CEP44: variants seen among roughly 807,000 people sequenced by gnomAD.
The protein encoded by CEP44 is centrosomal protein of 44 kDa.
A neutral mutation model predicts 46.7 loss-of-function variants in CEP44; 45 were observed. The ratio of observed to expected loss-of-function variants is 0.96; its 90% CI spans 0.76 to 1.24. The LOEUF is 1.24. CEP44 is among the 50% of genes most tolerant of loss of function. CEP44 has a pLI of 0.00. For missense variants in CEP44, 475 were observed against 459.7 expected (o/e 1.03, Z -0.30); for synonymous variants, 142 against 146.0 (o/e 0.97, Z 0.20).
At chr4:174,294,215 G>A (rs560888493) in intron 1 of CEP44, among the ~76,000 whole-genome samples, 4,472 of 150,832 alleles carry the variant, frequency 0.03, 201 homozygotes, top group African/African-American at 0.1. Flanking sequence ...TGTGTCCCTG[G>A]GTACTTGAGA....
At chr4:174,298,278 C>T (rs1739302835) in intron 2 of CEP44, among the ~76,000 whole-genome samples, 1 of 149,092 alleles carries the variant, frequency 6.7e-6, no homozygotes, top group African/African-American at 2.5e-5. Flanking sequence ...CGGGTTCACG[C>T]CATTCTCCTG....
chr4:174,303,948 A>C, intron 5 of CEP44, 99 bp downstream of exon 5: 1 of 816,470 alleles, frequency 1.2e-6, no homozygotes, highest in African/African-American at 1.7e-5. Flanking sequence ...AAATTATTTC[A>C]TAGTGTAATT....
At chr4:174,324,555 T>G (rs1443892826), downstream of CEP44, among the ~76,000 whole-genome samples, 2 of 152,174 alleles carry the variant, frequency 1.3e-5, no homozygotes, top group East Asian at 3.8e-4. Flanking sequence ...CAACACTTGA[T>G]TTTGTCAGTC....
rs1742661312 is a variant in CEP44, at chr4:174,326,248, G to A, written c.1087-5234G>A. Among the ~76,000 whole-genome samples, 1 of 151,436 alleles carries A rather than the reference G, an allele frequency of 6.6e-6. No individual in the cohort carries two copies. The highest frequency in any genetic ancestry group is 2.4e-5 in the African/African-American group (1 of 41,262). ...TGTGTGTGTGTGTGTCTGTGTGTGT[G>A]TCTGTGTGTTTGCTCCAAGATTTGT... On this transcript the variant is annotated intron_variant, in intron 8 of 8. Transcript: ENST00000426172. This position sits in a 1 kb window ranked among gnomAD's most constrained non-coding sequence, Gnocchi z 4.8.
intron 1 of CEP44, among the ~76,000 whole-genome samples, chr4:174,292,857 T>C (rs976359352): frequency 2.6e-5 from 4 of 152,246 alleles, no homozygotes; most frequent in Non-Finnish European, 5.9e-5. Context: ...TTGAATTCTT[T>C]GTCAAGCAGA....
chr4:174,320,684 C>CTGTGTGTGTGTG (rs34832692), downstream of CEP44, among the ~76,000 whole-genome samples: 2 of 147,412 alleles, frequency 1.4e-5, no homozygotes, highest in Non-Finnish European at 1.5e-5. Context: ...TGAGTGTGCT[C>CTGTGTGTGTGTG]TGTGTGTGTG....
upstream of CEP44, chr4:174,283,729 G>A (rs1252414800): frequency 7.5e-6 from 3 of 397,438 alleles, no homozygotes; most frequent in Non-Finnish European, 1.3e-5. This position sits in a 1 kb window ranked among gnomAD's most constrained non-coding sequence, Gnocchi z 6.7. Flanking sequence ...TGTTGTTTAC[G>A]ATTCGCTATA....
intron 11 of CEP44, among the ~76,000 whole-genome samples, 176 bp from the exon 12 acceptor site, chr4:174,317,159 C>T (rs13145292): frequency 0.7 from 106,505 of 151,730 alleles, 37,596 homozygotes; most frequent in East Asian, 0.74. Flanking sequence ...GACTCATAAT[C>T]GACTCCTCTT....
In CEP44 at chr4:174,310,917, T is replaced by C. The variant is rs113931014; in HGVS notation, c.961+59T>C. 1 of 779,110 alleles carries C rather than the reference T, an allele frequency of 1.3e-6. No individual in the cohort carries two copies. Among genetic ancestry groups the C allele is most frequent in the African/African-American group, 1.8e-5 (1 of 56,658 alleles). The allele number at this position is 779,110 out of a possible 1,614,324, so 48.3% of individuals were successfully genotyped here. ...TGAGTTTTCAGAAAAATGATTGTTA[T>C]AGTAATTTTAATATTCTTAAGCTTT... On this transcript the variant is annotated intron_variant, in intron 9 of 11. Coordinates refer to ENST00000503780, the MANE Select transcript of CEP44 (RefSeq NM_001040157.3). The surrounding 1 kb of genome is among the most constrained non-coding windows in gnomAD (Gnocchi z 4.2).
chr4:174,329,165 A>C lies in CEP44; in HGVS notation c.1087-2317A>C, dbSNP rs79777606. 7.1e-3 allele frequency among the ~76,000 whole-genome samples: 1,087 copies of C among 152,122 alleles called. 6 individuals carry two copies. Among genetic ancestry groups the C allele is most frequent in the Non-Finnish European group, 0.011 (720 of 67,990 alleles). On this transcript the variant is annotated intron_variant, in intron 8 of 8. Coordinates refer to the CEP44 transcript ENST00000426172. This position sits in a 1 kb window ranked among gnomAD's most constrained non-coding sequence, Gnocchi z 4.0. ...GGGATCTCACTATGCTGCCCAGGCT[A>C]GTCTCAGACTCCTGGCCTCAAGCAA... is the stretch of plus-strand genomic sequence containing the variant.
Position 174,325,960 on chromosome 4 carries a change from G to T in CEP44, c.1087-5522G>T, listed in dbSNP as rs1012873387. Reference sequence around the variant, plus strand: ...TTTTACTTTTAATGTATCTGAGTCTGTGCATTTAAAGTGGGTTTCCTGAAG... The same window carrying T: ...TTTTACTTTTAATGTATCTGAGTCTTTGCATTTAAAGTGGGTTTCCTGAAG... On this transcript the variant is annotated intron_variant, in intron 8 of 8. Transcript: ENST00000426172. The surrounding 1 kb of genome is among the most constrained non-coding windows in gnomAD (Gnocchi z 4.4). 1.3e-5 allele frequency among the ~76,000 whole-genome samples: 2 copies of T among 151,988 alleles called. No homozygotes were observed. The highest frequency in any genetic ancestry group is 4.8e-5 in the African/African-American group (2 of 41,392).
At chr4:174,289,021 G>A (rs1010978747) in intron 1 of CEP44, among the ~76,000 whole-genome samples, 3 of 152,166 alleles carry the variant, frequency 2.0e-5, no homozygotes, top group African/African-American at 7.2e-5. Flanking sequence ...AGATGCCCAT[G>A]TGAGTTTTAT....
chr4:174,285,142 C>T (rs1024763997), intron 1 of CEP44, among the ~76,000 whole-genome samples: 1 of 152,216 alleles, frequency 6.6e-6, no homozygotes, highest in Non-Finnish European at 1.5e-5. Context: ...ATCTATGCTG[C>T]AAGCTGAGTG....
At chr4:174,315,779 T>C (rs955627715) in intron 9 of CEP44, among the ~76,000 whole-genome samples, 3 of 148,378 alleles carry the variant, frequency 2.0e-5, no homozygotes, top group African/African-American at 7.5e-5. Flanking sequence ...AGGCGGAGCT[T>C]GCAGTGAGCC....
downstream of CEP44, among the ~76,000 whole-genome samples, chr4:174,322,581 G>A (rs563257823): frequency 5.5e-4 from 83 of 152,232 alleles, no homozygotes; most frequent in Non-Finnish European, 9.4e-4. Flanking sequence ...TCCTCCCTGC[G>A]AAACTATGAG....
In CEP44 at chr4:174,320,177, A is replaced by C; in HGVS notation, c.*2794A>C. The C allele has an allele frequency of 5.1e-6, 5 of 985,196 alleles. No individual in the cohort carries two copies. Among genetic ancestry groups the C allele is most frequent in the Non-Finnish European group, 6.0e-6 (5 of 829,722 alleles). 61.0% of individuals were successfully genotyped at this position (985,196 alleles called of 1,614,324 possible). On this transcript the variant is annotated 3_prime_UTR_variant, in exon 12 of 12. Coordinates refer to ENST00000503780, the MANE Select transcript of CEP44 (RefSeq NM_001040157.3). ...GTAAAATACTAGTCAGAAAGGGTTC[A>C]GAAGAAGTTAGCATCAACTGTATGA...
At chr4:174,323,817 T>C (rs1192521492), downstream of CEP44, among the ~76,000 whole-genome samples, 1 of 152,080 alleles carries the variant, frequency 6.6e-6, no homozygotes, top group East Asian at 1.9e-4. Context: ...ATACAGGCCA[T>C]TGGAGGCTCA....
At position 174,319,457 on chromosome 4, in the gene CEP44, A is replaced by T; in HGVS notation, c.*2074A>T. ...TATTTTTTCCCTTTTGAAAAATTCA[A>T]TTTTAAAAAGAAACATTTTTGAAGT... is the stretch of plus-strand genomic sequence containing the variant. On this transcript the variant is annotated 3_prime_UTR_variant, in exon 12 of 12. Coordinates refer to ENST00000503780, the MANE Select transcript of CEP44 (RefSeq NM_001040157.3). 1.0e-6 allele frequency: 1 copy of T among 972,542 alleles called. No individual in the cohort carries two copies. Among genetic ancestry groups the T allele is most frequent in the Non-Finnish European group, 1.2e-6 (1 of 818,234 alleles). 60.2% of individuals were successfully genotyped at this position (972,542 alleles called of 1,614,324 possible). A position where few individuals can be genotyped will look rare whatever the true frequency, so the allele number is the denominator to read the frequency against.
At position 174,312,101 on chromosome 4, in the gene CEP44, G is replaced by A. The variant is rs1372678260; in HGVS notation, c.961+1243G>A. ...GTCGGTGCTTTTATCACCAGTATTT[G>A]CATATAGTAGAGTTTAAATATTTAT... On this transcript the variant is annotated intron_variant, in intron 9 of 11. Transcript: ENST00000503780. This position sits in a 1 kb window ranked among gnomAD's most constrained non-coding sequence, Gnocchi z 4.5. 2.0e-5 allele frequency among the ~76,000 whole-genome samples: 3 copies of A among 152,048 alleles called. No individual in the cohort carries two copies. The highest frequency in any genetic ancestry group is 7.2e-5 in the African/African-American group (3 of 41,388).
Sources: allele counts gnomAD v4.1 joint callset (sites outside exome capture counted in the v4.1 genomes callset), GRCh38; gene constraint gnomAD v4.1.1; non-coding constraint Gnocchi (gnomAD v3.1); transcripts MANE v1.5; gene names NCBI Gene and HGNC (gene_info 2026-07-23, HGNC 2026-07-21).